The following ELP4 variants were observed in gnomAD, a reference collection of about 807,000 sequenced individuals.
ELP4 encodes the protein elongator acetyltransferase complex subunit 4, also known as elongator complex protein 4.
ELP4 carries 51 observed loss-of-function variants against 48.9 expected under a neutral mutation model. The observed-to-expected ratio is 1.04, with a 90% CI of 0.83 to 1.32. The LOEUF (loss-of-function observed/expected upper bound fraction) is 1.32. Among genes scored for constraint, ELP4 ranks in the 40% most tolerant of loss-of-function variants. ELP4 has a pLI of 0.00. For synonymous variants in ELP4, 210 were observed against 189.2 expected (o/e 1.11, Z -0.90); for missense variants, 519 against 514.6 (o/e 1.01, Z -0.08).
intron 7 of ELP4, among the ~76,000 whole-genome samples, chr11:31,643,989 A>G (rs1240813006): frequency 6.6e-6 from 1 of 151,806 alleles, no homozygotes; most frequent in Non-Finnish European, 1.5e-5. Flanking sequence ...AACTTAATAC[A>G]ATGCTATTTG....
chr11:31,686,982 G>A (rs752418482), intron 9 of ELP4, among the ~76,000 whole-genome samples: 2 of 152,182 alleles, frequency 1.3e-5, no homozygotes, highest in South Asian at 4.2e-4. Flanking sequence ...CAGAGGCCAG[G>A]TGATCATCAT....
intron 9 of ELP4, among the ~76,000 whole-genome samples, chr11:31,685,854 C>G (rs889813867): frequency 2.0e-5 from 3 of 151,878 alleles, no homozygotes; most frequent in Admixed American, 2.0e-4. Flanking sequence ...TCACTTCAAC[C>G]TGGGAGGCGG....
chr11:31,716,505 T>G (rs1946844865), intron 9 of ELP4, among the ~76,000 whole-genome samples: 1 of 152,202 alleles, frequency 6.6e-6, no homozygotes, highest in African/African-American at 2.4e-5. Flanking sequence ...TGCAAAGTGC[T>G]TAGAAGAGTA....
chr11:31,578,948 TTAAAC>T (rs1453285980), intron 3 of ELP4, among the ~76,000 whole-genome samples: 3 of 152,306 alleles, frequency 2.0e-5, no homozygotes, highest in African/African-American at 7.2e-5. Flanking sequence ...TGGGATCTAA[TTAAAC>T]TAAAGAGCTT....
intron 2 of ELP4, among the ~76,000 whole-genome samples, chr11:31,532,160 ATAACT>A (rs1393492510): frequency 6.6e-6 from 1 of 152,204 alleles, no homozygotes; most frequent in Non-Finnish European, 1.5e-5. Flanking sequence ...TGGTTACCAA[ATAACT>A]TAACGAATTA....
chr11:31,751,799 C>A (rs1342481882), intron 9 of ELP4, among the ~76,000 whole-genome samples: 1 of 152,128 alleles, frequency 6.6e-6, no homozygotes, highest in Non-Finnish European at 1.5e-5. Flanking sequence ...CCTAAAAATG[C>A]CAACCACATA....
Position 31,509,980 on chromosome 11 carries a change from G to A in ELP4, c.196G>A (p.Gly66Arg). Residue 66 changes from glycine to arginine, a missense_variant, in exon 1 of 10, where the codon GGG becomes AGG. Transcript: ENST00000640961. ...GAATGGACAGCTGCTGGTATCAACC[G>A]GGCTCCCAGCCCTAGACCAGCTCTT... Reference protein sequence around the residue: ...VRNGQLLVSTGLPALDQLLGG... With the variant: ...VRNGQLLVSTRLPALDQLLGG... 6.2e-7 allele frequency: 1 copy of A among 1,612,360 alleles called. No homozygotes were observed. Among genetic ancestry groups the A allele is most frequent in the South Asian group, 1.1e-5 (1 of 91,014 alleles).
chr11:31,553,061 C>G (rs1245502118), intron 3 of ELP4, among the ~76,000 whole-genome samples: 1 of 152,172 alleles, frequency 6.6e-6, no homozygotes, highest in Non-Finnish European at 1.5e-5. Context: ...CCTACTCCCA[C>G]TCCCCAGGCC....
chr11:31,513,768 T>C (rs1344546175), intron 1 of ELP4, among the ~76,000 whole-genome samples: 1 of 152,196 alleles, frequency 6.6e-6, no homozygotes, highest in African/African-American at 2.4e-5. Flanking sequence ...CTGCATGAAT[T>C]GAAATAACAA....
chr11:31,662,162 T>C (rs542545425), intron 9 of ELP4, among the ~76,000 whole-genome samples: 104 of 152,194 alleles, frequency 6.8e-4, no homozygotes, highest in African/African-American at 2.1e-3. Context: ...TGAATGCATT[T>C]CATTAAGATA....
intron 5 of ELP4, among the ~76,000 whole-genome samples, chr11:31,610,892 A>G (rs1353511630): frequency 6.6e-6 from 1 of 152,056 alleles, no homozygotes; most frequent in Non-Finnish European, 1.5e-5. Context: ...ATCCTTCCAG[A>G]TTTCTGCCCT....
rs1313623893 is a variant in ELP4 at position 31,788,281 on chromosome 11, G to A, written c.*4757G>A. The A allele has an allele frequency of 8.9e-6, 2 of 225,458 alleles. No homozygotes were observed. Among genetic ancestry groups the A allele is most frequent in the Non-Finnish European group, 1.8e-5 (2 of 113,228 alleles). The allele number at this position is 225,458 out of a possible 1,614,324, so 14.0% of individuals were successfully genotyped here. On this transcript the variant is annotated 3_prime_UTR_variant, in exon 10 of 10. Transcript: ENST00000640961. Reference sequence around the variant, plus strand: ...TGACTGAAGGCCTTTAATTCCCACCGGCCAGTCACAGTCTGCTTTGTTGTT... The same window carrying A: ...TGACTGAAGGCCTTTAATTCCCACCAGCCAGTCACAGTCTGCTTTGTTGTT...
At chr11:31,681,900 C>T (rs1217569796) in intron 9 of ELP4, 4 of 311,084 alleles carry the variant, frequency 1.3e-5, no homozygotes, top group South Asian at 5.1e-5. Flanking sequence ...ACCACCACAC[C>T]CAGCTAATTT....
chr11:31,780,316 C>G (rs565219793), intron 9 of ELP4, among the ~76,000 whole-genome samples: 34 of 152,246 alleles, frequency 2.2e-4, no homozygotes, highest in South Asian at 6.2e-4. Flanking sequence ...CGTTCTTCCT[C>G]GCTGTTTCAC....
chr11:31,531,500 T>C (rs907292173), intron 2 of ELP4, among the ~76,000 whole-genome samples: 1 of 152,214 alleles, frequency 6.6e-6, no homozygotes, highest in African/African-American at 2.4e-5. Context: ...TTAATAATGG[T>C]GCCACCTAAT....
intron 9 of ELP4, among the ~76,000 whole-genome samples, chr11:31,685,625 A>G (rs914132593): frequency 3.3e-5 from 5 of 152,148 alleles, no homozygotes; most frequent in Admixed American, 6.6e-5. Context: ...AATTTTATTA[A>G]TAAAGTTTAT....
chr11:31,633,771 T>A (rs1944914889), intron 7 of ELP4: 1 of 152,000 alleles, frequency 6.6e-6, no homozygotes, highest in South Asian at 2.1e-4. Flanking sequence ...CTACTTATAC[T>A]ACTACTACTA....
intron 6 of ELP4, 137 bp downstream of exon 6, chr11:31,627,331 A>G: frequency 1.8e-6 from 1 of 558,440 alleles, no homozygotes. Flanking sequence ...GAACATGTAC[A>G]TAAGCAGAGC....
chr11:31,568,058 G>T (rs1225125828), intron 3 of ELP4, among the ~76,000 whole-genome samples: 1 of 152,090 alleles, frequency 6.6e-6, no homozygotes, highest in African/African-American at 2.4e-5. Context: ...TTTCAAAATG[G>T]GAGTCAACTG....
Sources: allele counts gnomAD v4.1 joint callset (sites outside exome capture counted in the v4.1 genomes callset), GRCh38; gene constraint gnomAD v4.1.1; transcripts MANE v1.5; gene names NCBI Gene and HGNC (gene_info 2026-07-23, HGNC 2026-07-21).